DGKB: variants seen among roughly 807,000 people sequenced by gnomAD.
DGKB encodes the protein 90 kDa diacylglycerol kinase.
In DGKB, 67 loss-of-function variants were observed where a neutral mutation model predicts 114.3. The observed-to-expected ratio is 0.59, with a 90% confidence interval of 0.48 to 0.72. The LOEUF is 0.72. Among genes scored for constraint, DGKB ranks in the 30% least tolerant of loss-of-function variants. The pLI is 0.00. For missense variants in DGKB, 907 were observed against 975.2 expected (o/e 0.93, Z 0.93); for synonymous variants, 398 against 323.1 (o/e 1.23, Z -2.49).
rs145157568 is a variant in DGKB, at chr7:14,390,191, AC to A, written c.1836-44801del. Among the ~76,000 whole-genome samples the A allele has an allele frequency of 4.5e-4, 69 of 152,264 alleles. No homozygotes were observed. In the East Asian group the frequency reaches 0.011, roughly 23 times the overall value. ...TGCTAGAGAGTCTCTCATTATTCCTACTAGTCCTTCTTGAATGTTTTTATTT... is the reference window on the plus strand; with the variant it reads ...TGCTAGAGAGTCTCTCATTATTCCTATAGTCCTTCTTGAATGTTTTTATTT... On this transcript the variant is annotated intron_variant, in intron 21 of 25. Transcript: ENST00000402815.
intron 1 of DGKB, among the ~76,000 whole-genome samples, chr7:14,955,087 TAA>T (rs1270911393): frequency 1.3e-5 from 2 of 152,014 alleles, no homozygotes; most frequent in South Asian, 2.1e-4. Context: ...GGCAAGCAAA[TAA>T]AGTTTCTGGA....
intron 21 of DGKB, among the ~76,000 whole-genome samples, chr7:14,459,169 C>T (rs1832727585): frequency 6.6e-6 from 1 of 152,134 alleles, no homozygotes; most frequent in African/African-American, 2.4e-5. Context: ...CCTCTCTGGG[C>T]AAGGCATCTC....
intron 23 of DGKB, among the ~76,000 whole-genome samples, chr7:14,232,753 C>A (rs1792109852): frequency 1.3e-5 from 2 of 151,970 alleles, no homozygotes; most frequent in South Asian, 4.1e-4. Flanking sequence ...AGTGTTTTAT[C>A]ATTTTACTAG....
chr7:14,554,126 C>T (rs1795535841), intron 20 of DGKB, among the ~76,000 whole-genome samples: 1 of 152,012 alleles, frequency 6.6e-6, no homozygotes, highest in African/African-American at 2.4e-5. Context: ...CCCACCTCGG[C>T]CTCCCAAAGT....
chr7:14,574,350 C>T lies in DGKB; in HGVS notation c.1632G>A (p.Met544Ile). Residue 544 changes from methionine (M) to isoleucine (I), a missense_variant, in exon 20 of 26, where the codon ATG becomes ATA. Transcript: ENST00000402815. ...WGGGYEGENL[M>I]KILKDIENST... is the part of the protein sequence containing the mutation. ...TGTTTTCAATGTCTTTTAGAATTTT[C>T]ATCAGATTCTCACCTTCGTAACCTA... 3 of 1,611,970 alleles carry T rather than the reference C, an allele frequency of 1.9e-6. No homozygotes were observed. Among genetic ancestry groups the T allele is most frequent in the Non-Finnish European group, 2.5e-6 (3 of 1,179,176 alleles).
At chr7:14,915,211 A>T (rs115698386) in intron 1 of DGKB, among the ~76,000 whole-genome samples, 2,276 of 152,190 alleles carry the variant, frequency 0.015, 57 homozygotes, top group African/African-American at 0.045. Flanking sequence ...GACAAAAAAT[A>T]AAATAAATAA....
In DGKB at chr7:14,193,651, A is replaced by T. The variant is rs185430967; in HGVS notation, c.2123-15500T>A. Among the ~76,000 whole-genome samples, 807 of 152,330 alleles carry T rather than the reference A, an allele frequency of 5.3e-3. 5 individuals carry two copies. The highest frequency in any genetic ancestry group is 0.014 in the South Asian group (66 of 4,830). On this transcript the variant is annotated intron_variant, in intron 23 of 25. Transcript: ENST00000402815. The stretch of plus-strand genomic sequence containing the variant: ...GTTAGGGTGGGCAAGGACTTTTTAA[A>T]TAAGATCTCAAAAGCACAGACAACG...
Position 14,258,980 on chromosome 7 carries a change from A to G in DGKB, c.2122+79535T>C, listed in dbSNP as rs182929755. Among the ~76,000 whole-genome samples, 254 of 152,182 alleles carry G rather than the reference A, an allele frequency of 1.7e-3. 1 individual carries two copies. Among genetic ancestry groups the G allele is most frequent in the South Asian group, 5.4e-3 (26 of 4,822 alleles). On this transcript the variant is annotated intron_variant, in intron 23 of 25. Coordinates refer to ENST00000402815, the MANE Select transcript of DGKB (RefSeq NM_001350709.2). ...GATTTAAGTCCTGCTCTAATTTGTA[A>G]TGTAGATTTCAGATGGCTTTGTCTA...
chr7:14,590,467 T>C (rs984764814), intron 17 of DGKB, among the ~76,000 whole-genome samples: 2 of 152,112 alleles, frequency 1.3e-5, no homozygotes, highest in Non-Finnish European at 2.9e-5. Flanking sequence ...TGTTATTCAT[T>C]CTTGTTTTCT....
At chr7:14,153,805 G>T (rs1782577375) in intron 25 of DGKB, among the ~76,000 whole-genome samples, 1 of 151,958 alleles carries the variant, frequency 6.6e-6, no homozygotes, top group Non-Finnish European at 1.5e-5. Flanking sequence ...ATGGCATCAG[G>T]CTTTTCAAAA....
At chr7:14,504,498 A>G (rs1786706535) in intron 20 of DGKB, among the ~76,000 whole-genome samples, 1 of 152,178 alleles carries the variant, frequency 6.6e-6, no homozygotes, top group Non-Finnish European at 1.5e-5. Flanking sequence ...GAACTTGTTG[A>G]CTATTTTTTC....
At chr7:14,389,685 C>T (rs779344356) in intron 21 of DGKB, among the ~76,000 whole-genome samples, 5 of 152,194 alleles carry the variant, frequency 3.3e-5, no homozygotes, top group African/African-American at 9.7e-5. Context: ...GTTGTTTGGT[C>T]GATTCTGGCA....
At chr7:14,842,056 C>T (rs1023876389) in intron 1 of DGKB, among the ~76,000 whole-genome samples, 1 of 152,156 alleles carries the variant, frequency 6.6e-6, no homozygotes, top group Non-Finnish European at 1.5e-5. Flanking sequence ...CATTCACTGG[C>T]TATATCTGTA....
At chr7:14,893,724 C>T (rs1781666221) in intron 1 of DGKB, among the ~76,000 whole-genome samples, 1 of 151,242 alleles carries the variant, frequency 6.6e-6, no homozygotes, top group Admixed American at 6.6e-5. Context: ...TTGAGAATTG[C>T]TTTTATTTTC....
rs116996605 is a variant in DGKB at position 14,400,525 on chromosome 7, T to C, written c.1836-55134A>G. Among the ~76,000 whole-genome samples, 318 of 151,946 alleles carry C rather than the reference T, an allele frequency of 2.1e-3. 15 individuals carry two copies. The East Asian group carries it at 0.055, about 26-fold the overall frequency. On this transcript the variant is annotated intron_variant, in intron 21 of 25. Transcript: ENST00000402815. Reference sequence around the variant, plus strand: ...GAGCAAGACTAATTGCTGGAAAGCCTGTTCAGAAAGATTTGTCATTCAGGA... The same window carrying C: ...GAGCAAGACTAATTGCTGGAAAGCCCGTTCAGAAAGATTTGTCATTCAGGA...
chr7:14,920,669 C>G (rs192145971), intron 1 of DGKB, among the ~76,000 whole-genome samples: 1 of 152,240 alleles, frequency 6.6e-6, no homozygotes, highest in East Asian at 1.9e-4. Flanking sequence ...GAGTTGAAAA[C>G]TTATGTCCAC....
intron 17 of DGKB, among the ~76,000 whole-genome samples, chr7:14,585,086 T>TA (rs1440512305): frequency 6.6e-6 from 1 of 152,272 alleles, no homozygotes; most frequent in East Asian, 1.9e-4. Context: ...AAAATATGTA[T>TA]AAAAATTACT....
intron 1 of DGKB, among the ~76,000 whole-genome samples, chr7:14,946,323 G>T (rs1029265611): frequency 6.6e-6 from 1 of 151,482 alleles, no homozygotes; most frequent in African/African-American, 2.4e-5. Context: ...ATAGACCAAG[G>T]CTTGAAGAGA....
At chr7:14,747,546 A>G (rs1723251) in intron 4 of DGKB, among the ~76,000 whole-genome samples, 54,059 of 151,998 alleles carry the variant, frequency 0.36, 13,319 homozygotes, top group African/African-American at 0.69. Context: ...CTTCATCTGT[A>G]CATTTTCCTT....
Sources: gnomAD v4.1 joint callset for allele counts (sites outside exome capture counted in the v4.1 genomes callset) on GRCh38, gnomAD v4.1.1 for gene constraint, MANE v1.5 for transcripts, NCBI Gene and HGNC (gene_info 2026-07-23, HGNC 2026-07-21) for gene names.